ESR1: variants seen among roughly 807,000 people sequenced by gnomAD.
ESR1 encodes the protein estrogen receptor.
In ESR1, 12 loss-of-function variants were observed where a neutral mutation model predicts 52.7. That is an observed-to-expected ratio of 0.23 (90% CI 0.15 to 0.37). The LOEUF (loss-of-function observed/expected upper bound fraction) is 0.37, where lower values mean the gene tolerates loss of function less well. ESR1 is among the 10% of genes least tolerant of loss of function. The pLI is 1.00. For synonymous variants in ESR1, 305 were observed against 316.8 expected (o/e 0.96, Z 0.39); for missense variants, 584 against 779.7 (o/e 0.75, Z 2.99).
chr6:152,065,887 T>C (rs1345770934), intron 6 of ESR1, among the ~76,000 whole-genome samples: 2 of 152,114 alleles, frequency 1.3e-5, no homozygotes, highest in African/African-American at 4.8e-5. Context: ...GGTGGAATAA[T>C]AAAGAGGAAT....
intron 3 of ESR1, among the ~76,000 whole-genome samples, chr6:151,881,462 C>T (rs1244240273): frequency 6.9e-6 from 1 of 144,288 alleles, no homozygotes; most frequent in African/African-American, 2.5e-5. Context: ...TTTTGTCATA[C>T]AGGAATCTGG....
intron 4 of ESR1, among the ~76,000 whole-genome samples, chr6:151,979,897 T>C (rs1397999966): frequency 6.6e-6 from 1 of 152,218 alleles, no homozygotes; most frequent in African/African-American, 2.4e-5. Context: ...TGCTGTTGGT[T>C]TTTCAATAAG....
chr6:151,806,413 A>G (rs962328892), upstream of ESR1, among the ~76,000 whole-genome samples: 9 of 151,784 alleles, frequency 5.9e-5, no homozygotes, highest in Non-Finnish European at 1.2e-4. Flanking sequence ...AAAACAAAGT[A>G]TTGATAGTTG....
intron 2 of ESR1, among the ~76,000 whole-genome samples, chr6:151,843,305 C>T (rs1486423708): frequency 6.6e-6 from 1 of 152,156 alleles, no homozygotes; most frequent in East Asian, 1.9e-4. Flanking sequence ...GGATATTTTG[C>T]TATGAGCTGA....
upstream of ESR1, among the ~76,000 whole-genome samples, chr6:151,687,928 T>C (rs1778753442): frequency 6.6e-6 from 1 of 152,242 alleles, no homozygotes; most frequent in South Asian, 2.1e-4. Flanking sequence ...GATACATCTC[T>C]TTAAATTATA....
chr6:151,996,674 T>C (rs2041514878), intron 4 of ESR1, among the ~76,000 whole-genome samples: 1 of 152,118 alleles, frequency 6.6e-6, no homozygotes, highest in African/African-American at 2.4e-5. Context: ...GTGATAAGCA[T>C]GCGTATAGAG....
intron 2 of ESR1, among the ~76,000 whole-genome samples, chr6:151,754,649 A>C (rs1336890800): frequency 1.3e-5 from 2 of 152,178 alleles, no homozygotes; most frequent in African/African-American, 4.8e-5. Flanking sequence ...CCCGGCTTCC[A>C]ACATACTTTG....
At chr6:151,802,662 G>T (rs567299044), upstream of ESR1, among the ~76,000 whole-genome samples, 27 of 152,298 alleles carry the variant, frequency 1.8e-4, no homozygotes, top group South Asian at 1.2e-3. Flanking sequence ...GCCTCAGTTG[G>T]CATGAAGATA....
chr6:151,890,059 T>C (rs774947114), intron 3 of ESR1, among the ~76,000 whole-genome samples: 1 of 152,004 alleles, frequency 6.6e-6, no homozygotes, highest in Non-Finnish European at 1.5e-5. Flanking sequence ...TTATTTTGTG[T>C]CCTAACATAT....
At chr6:151,675,445 GGGGAACTATAGC>G (rs1778219558) in intron 1 of ESR1, among the ~76,000 whole-genome samples, 1 of 152,084 alleles carries the variant, frequency 6.6e-6, no homozygotes, top group South Asian at 2.1e-4. Flanking sequence ...AAGAGGGTTA[GGGGAACTATAGC>G]TGAGTCATCT....
intron 2 of ESR1, among the ~76,000 whole-genome samples, chr6:151,867,442 C>CACACACAG (rs1491456455): frequency 6.6e-6 from 1 of 150,992 alleles, no homozygotes; most frequent in African/African-American, 2.4e-5. Context: ...CACACACACA[C>CACACACAG]AAACAACCCC....
At chr6:151,764,392 G>A (rs1784887229) in intron 2 of ESR1, among the ~76,000 whole-genome samples, 1 of 152,146 alleles carries the variant, frequency 6.6e-6, no homozygotes, top group Admixed American at 6.5e-5. Flanking sequence ...CCTTGATGAA[G>A]GAGATGTTTT....
intron 2 of ESR1, among the ~76,000 whole-genome samples, chr6:151,873,214 G>A (rs376284826): frequency 3.3e-5 from 5 of 152,302 alleles, no homozygotes; most frequent in Admixed American, 1.3e-4. Flanking sequence ...TGGAATGAAA[G>A]GAGACCTTGG....
intron 1 of ESR1, among the ~76,000 whole-genome samples, chr6:151,839,223 G>C (rs929140934): frequency 9.9e-5 from 15 of 152,186 alleles, no homozygotes; most frequent in African/African-American, 3.1e-4. Flanking sequence ...CAGGGATGTT[G>C]ATTCAAGTTT....
chr6:152,076,865 A>G (rs2048774279), intron 6 of ESR1, among the ~76,000 whole-genome samples: 1 of 152,206 alleles, frequency 6.6e-6, no homozygotes, highest in Admixed American at 6.5e-5. Flanking sequence ...GGTGTTGTTA[A>G]AACCATTCTG....
chr6:152,037,559 G>GT (rs2045416314), intron 5 of ESR1, among the ~76,000 whole-genome samples: 1 of 152,084 alleles, frequency 6.6e-6, no homozygotes, highest in Non-Finnish European at 1.5e-5. Context: ...AAACTGCGTT[G>GT]TTTTTTAAAA....
At chr6:151,966,974 G>A (rs2038341489) in intron 4 of ESR1, among the ~76,000 whole-genome samples, 1 of 152,040 alleles carries the variant, frequency 6.6e-6, no homozygotes, top group Middle Eastern at 3.2e-3. Flanking sequence ...CCTATTTCAC[G>A]TGATCATTGC....
intron 1 of ESR1, among the ~76,000 whole-genome samples, chr6:151,669,043 C>T (rs1472869549): frequency 6.6e-6 from 1 of 150,786 alleles, no homozygotes; most frequent in African/African-American, 2.4e-5. Flanking sequence ...CTGGACTTTG[C>T]TCTAGAGGAA....
chr6:152,092,901 T>C (rs549949769), intron 6 of ESR1, among the ~76,000 whole-genome samples: 54 of 152,278 alleles, frequency 3.5e-4, no homozygotes, highest in African/African-American at 7.0e-4. Context: ...CAACTCACAC[T>C]ATCTTAAGCA....
Sources: allele counts gnomAD v4.1 joint callset (sites outside exome capture counted in the v4.1 genomes callset), GRCh38; gene constraint gnomAD v4.1.1; transcripts MANE v1.5; gene names NCBI Gene and HGNC (gene_info 2026-07-23, HGNC 2026-07-21).